The following OSBPL9 variants were observed in gnomAD, a reference collection of about 807,000 sequenced individuals.
OSBPL9 encodes the protein oxysterol-binding protein-related protein 9.
Under a neutral mutation model 106.6 loss-of-function variants are expected in OSBPL9, and 40 were observed. That is an observed-to-expected ratio of 0.38 (90% CI 0.29 to 0.49). The LOEUF (loss-of-function observed/expected upper bound fraction) is 0.49, where lower values mean the gene tolerates loss of function less well. Among genes scored for constraint, OSBPL9 ranks in the 20% least tolerant of loss-of-function variants. The pLI is 0.97. For synonymous variants in OSBPL9, 269 were observed against 295.4 expected (o/e 0.91, Z 0.92); for missense variants, 609 against 887.2 (o/e 0.69, Z 3.98).
intron 7 of OSBPL9, 105 bp from the exon 8 acceptor site, chr1:51,750,040 G>C (rs2149022774): frequency 1.4e-6 from 1 of 719,034 alleles, no homozygotes; most frequent in Non-Finnish European, 2.2e-6. Context: ...GTGTAGTATA[G>C]ACTTAAACTC....
intron 12 of OSBPL9, among the ~76,000 whole-genome samples, chr1:51,771,587 G>A (rs938948066): frequency 1.3e-5 from 2 of 152,096 alleles, no homozygotes; most frequent in African/African-American, 4.8e-5. Context: ...CTGTTAACTG[G>A]CTCATAAAAG....
chr1:51,728,492 G>A (rs768527241), intron 4 of OSBPL9, among the ~76,000 whole-genome samples: 5 of 152,136 alleles, frequency 3.3e-5, no homozygotes, highest in Non-Finnish European at 5.9e-5. Flanking sequence ...AGGACTACTA[G>A]GTTTATGGTT....
intron 12 of OSBPL9, among the ~76,000 whole-genome samples, chr1:51,768,605 T>C (rs2149094850): frequency 6.6e-6 from 1 of 152,390 alleles, no homozygotes; most frequent in Admixed American, 6.5e-5. Context: ...TAAAAGCATA[T>C]GACTGTATTC....
intron 3 of OSBPL9, among the ~76,000 whole-genome samples, chr1:51,700,630 T>C (rs540766628): frequency 1.3e-5 from 2 of 152,240 alleles, no homozygotes; most frequent in African/African-American, 2.4e-5. Flanking sequence ...TGCTGTTGTT[T>C]CCTTGTCTCA....
intron 6 of OSBPL9, among the ~76,000 whole-genome samples, chr1:51,747,605 G>A (rs1390072437): frequency 1.7e-5 from 2 of 121,120 alleles, no homozygotes; most frequent in African/African-American, 3.2e-5. Flanking sequence ...ATAGCCTTGC[G>A]TTTGGCTCTT....
intron 1 of OSBPL9, among the ~76,000 whole-genome samples, chr1:51,589,500 AGTATAACC>A (rs977492504): frequency 1.3e-5 from 2 of 152,182 alleles, no homozygotes; most frequent in Non-Finnish European, 2.9e-5. Context: ...AGAGGGATAG[AGTATAACC>A]GTATACAGGG....
At chr1:51,607,686 C>G (rs1385270796) in intron 2 of OSBPL9, among the ~76,000 whole-genome samples, 1 of 152,146 alleles carries the variant, frequency 6.6e-6, no homozygotes, top group African/African-American at 2.4e-5. Context: ...CAGCCTAGAT[C>G]TCATCAGCTA....
At chr1:51,594,923 G>C (rs560644079) in intron 1 of OSBPL9, 2 of 152,332 alleles carry the variant, frequency 1.3e-5, no homozygotes, top group Non-Finnish European at 2.9e-5. Flanking sequence ...CGTTCCCAGG[G>C]TGCAGGTCAC....
At chr1:51,618,954 C>T (rs1644256721) in intron 1 of OSBPL9, among the ~76,000 whole-genome samples, 1 of 152,174 alleles carries the variant, frequency 6.6e-6, no homozygotes, top group African/African-American at 2.4e-5. Flanking sequence ...AAAAGTATTA[C>T]TTTCATCATC....
At chr1:51,623,136 A>C (rs1250553484) in intron 1 of OSBPL9, among the ~76,000 whole-genome samples, 3 of 152,258 alleles carry the variant, frequency 2.0e-5, no homozygotes, top group Non-Finnish European at 4.4e-5. Context: ...GTTCTTAGGC[A>C]GAGCAGTTTC....
chr1:51,522,017 A>T, the OSBPL9 span, among the ~76,000 whole-genome samples: 1 of 152,070 alleles, frequency 6.6e-6, no homozygotes, highest in Non-Finnish European at 1.5e-5. Flanking sequence ...TCGGCTTCCC[A>T]AAGTGCTGGG....
the OSBPL9 span, among the ~76,000 whole-genome samples, chr1:51,537,299 T>C: frequency 7.8e-4 from 119 of 152,322 alleles, 1 homozygote; most frequent in African/African-American, 2.8e-3. Flanking sequence ...CCTTTTGACA[T>C]GTCTTCATCA....
chr1:51,787,948 G>T lies in OSBPL9; in HGVS notation c.*159G>T. Reference sequence around the variant, plus strand: ...CTTTCTGACGCAGATGAACAATTAAGGGGAAAAGCTTCCCTTTTCCCTCTG... The same window carrying T: ...CTTTCTGACGCAGATGAACAATTAATGGGAAAAGCTTCCCTTTTCCCTCTG... On this transcript the variant is annotated 3_prime_UTR_variant, in exon 24 of 24. Transcript: ENST00000428468. The T allele has an allele frequency of 1.6e-6, 1 of 620,494 alleles. No homozygotes were observed. 38.4% of individuals were successfully genotyped at this position (620,494 alleles called of 1,614,324 possible).
At position 51,784,475 on chromosome 1, in the gene OSBPL9, A is replaced by G. The variant is rs561920456; in HGVS notation, c.1722A>G (p.Gly574=). ...SILTVPWVEL[G]GECNINCSKT... ...TCACAGTGCCCTGGGTGGAATTAGG[A>G]GGAGAATGCAATATTAATTGTTCCA... Residue 574 remains glycine (G), a synonymous_variant, in exon 20 of 24, where the codon GGA becomes GGG. Transcript: ENST00000428468. 6.2e-7 allele frequency: 1 copy of G among 1,614,098 alleles called. No homozygotes were observed. The highest frequency in any genetic ancestry group is 2.2e-5 in the East Asian group (1 of 44,882).
At chr1:51,713,451 G>GT (rs905344567) in intron 3 of OSBPL9, among the ~76,000 whole-genome samples, 50 of 151,506 alleles carry the variant, frequency 3.3e-4, no homozygotes, top group East Asian at 9.7e-4. Flanking sequence ...CACCCAGCCA[G>GT]TTTTTTTTTG....
intron 3 of OSBPL9, among the ~76,000 whole-genome samples, chr1:51,702,150 A>G (rs1381603276): frequency 6.6e-6 from 1 of 152,102 alleles, no homozygotes; most frequent in African/African-American, 2.4e-5. Flanking sequence ...TATAATCCTT[A>G]GGGTATATAC....
chr1:51,768,905 C>T (rs563196251), intron 12 of OSBPL9, among the ~76,000 whole-genome samples: 2 of 152,306 alleles, frequency 1.3e-5, no homozygotes, highest in South Asian at 2.1e-4. Context: ...GTCCAACTAA[C>T]CCACTCTGTG....
intron 1 of OSBPL9, among the ~76,000 whole-genome samples, chr1:51,590,350 G>A (rs1645268269): frequency 6.6e-6 from 1 of 151,896 alleles, no homozygotes; most frequent in Non-Finnish European, 1.5e-5. Context: ...GCCGGGCGCG[G>A]TGGCTCAAGC....
At chr1:51,709,557 A>C (rs1297434642) in intron 3 of OSBPL9, 1 of 152,596 alleles carries the variant, frequency 6.6e-6, no homozygotes, top group African/African-American at 2.4e-5. Context: ...GGAGAAGATC[A>C]AGGCTGATGG....
Sources: gnomAD v4.1 joint callset for allele counts (sites outside exome capture counted in the v4.1 genomes callset) on GRCh38, gnomAD v4.1.1 for gene constraint, MANE v1.5 for transcripts, NCBI Gene and HGNC (gene_info 2026-07-23, HGNC 2026-07-21) for gene names.